PDZK1: variants seen among roughly 807,000 people sequenced by gnomAD.
PDZK1 encodes PDZ domain containing 1, also known as Na(+)/H(+) exchange regulatory cofactor NHE-RF3.
In PDZK1, 23 loss-of-function variants were observed where a neutral mutation model predicts 38.1. The observed-to-expected ratio is 0.60, with a 90% CI of 0.43 to 0.85. The LOEUF is 0.85. PDZK1 is among the 40% of genes least tolerant of loss of function. PDZK1 has a pLI of 0.00. For missense variants in PDZK1, 297 were observed against 504.3 expected (o/e 0.59, Z 3.94); for synonymous variants, 98 against 186.2 (o/e 0.53, Z 3.86).
At chr1:145,695,791 T>C (rs1655596115) in intron 1 of PDZK1, among the ~76,000 whole-genome samples, 1 of 152,150 alleles carries the variant, frequency 6.6e-6, no homozygotes, top group African/African-American at 2.4e-5. Context: ...CTGACCCACA[T>C]AGCAGCCATC....
intron 1 of PDZK1, among the ~76,000 whole-genome samples, chr1:145,693,494 C>T (rs1655403091): frequency 1.3e-5 from 2 of 151,824 alleles, no homozygotes; most frequent in Non-Finnish European, 2.9e-5. Context: ...AGGTGCCGGG[C>T]GCGGTGGCTC....
At chr1:145,679,073 A>T (rs1653988982) in intron 5 of PDZK1, among the ~76,000 whole-genome samples, 1 of 151,766 alleles carries the variant, frequency 6.6e-6, no homozygotes, top group South Asian at 2.1e-4. Flanking sequence ...CCAGGCTGGC[A>T]TTTTAGTAGC....
In PDZK1 at chr1:145,671,340, A is replaced by G; in HGVS notation, c.*96T>C. The G allele has an allele frequency of 6.3e-7, 1 of 1,593,520 alleles. No homozygotes were observed. The highest frequency in any genetic ancestry group is 1.1e-5 in the South Asian group (1 of 89,696). ...AGTGGAGTTTTTCTTCTAAAGAGAC[A>G]GTAAACAGGTCACAACTCATTCCTT... is the stretch of plus-strand genomic sequence containing the variant. On this transcript the variant is annotated 3_prime_UTR_variant, in exon 9 of 9. Coordinates refer to ENST00000417171, the MANE Select transcript of PDZK1 (RefSeq NM_001201325.2).
intron 6 of PDZK1, among the ~76,000 whole-genome samples, chr1:145,676,720 G>T (rs1488284642): frequency 2.2e-5 from 3 of 139,464 alleles, no homozygotes; most frequent in African/African-American, 2.7e-5. Flanking sequence ...GCAAGACAAC[G>T]TCTCAAAAAA....
chr1:145,676,636 G>T (rs1183596487), intron 6 of PDZK1, among the ~76,000 whole-genome samples: 1 of 148,432 alleles, frequency 6.7e-6, no homozygotes, highest in Non-Finnish European at 1.5e-5. Context: ...TGAGGCAGGG[G>T]AATCGCTTGA....
In PDZK1 at chr1:145,679,372, C is replaced by T. The variant is rs146873196; in HGVS notation, c.794-727G>A. On this transcript the variant is annotated intron_variant, in intron 5 of 8. Transcript: ENST00000417171. ...AGTCACCAACACTTGGCAACTGATTCTTCCCCAGCATCCAGTCCCCATATC... is the reference window on the plus strand; with the variant it reads ...AGTCACCAACACTTGGCAACTGATTTTTCCCCAGCATCCAGTCCCCATATC... Among the ~76,000 whole-genome samples the T allele has an allele frequency of 9.3e-3, 1,417 of 151,648 alleles. 7 individuals carry two copies. Among genetic ancestry groups the T allele is most frequent in the Non-Finnish European group, 0.014 (920 of 67,884 alleles).
At chr1:145,689,565 A>G (rs1655070753) in intron 1 of PDZK1, among the ~76,000 whole-genome samples, 2 of 152,154 alleles carry the variant, frequency 1.3e-5, no homozygotes, top group African/African-American at 2.4e-5. Flanking sequence ...TTTTTCTTTT[A>G]TAGGAGAATA....
intron 6 of PDZK1, chr1:145,674,254 A>G: frequency 1.1e-5 from 11 of 985,362 alleles, no homozygotes; most frequent in Non-Finnish European, 1.3e-5. Flanking sequence ...GACATATCTG[A>G]CCGACTAGCC....
intron 1 of PDZK1, among the ~76,000 whole-genome samples, chr1:145,689,898 C>T (rs1406260578): frequency 6.6e-6 from 1 of 152,138 alleles, no homozygotes; most frequent in Non-Finnish European, 1.5e-5. Flanking sequence ...GACAGAGAGC[C>T]CCCAGCTGCC....
At chr1:145,688,790 C>T (rs1185232796) in intron 1 of PDZK1, among the ~76,000 whole-genome samples, 1 of 152,102 alleles carries the variant, frequency 6.6e-6, no homozygotes, top group Non-Finnish European at 1.5e-5. Flanking sequence ...GAAACCCCAG[C>T]TCTACTAAAA....
chr1:145,687,301 C>T (rs1378679392), intron 2 of PDZK1, among the ~76,000 whole-genome samples: 5 of 150,440 alleles, frequency 3.3e-5, no homozygotes, highest in East Asian at 2.0e-4. Context: ...GGGCGGATCA[C>T]GAGGTCAGGA....
chr1:145,696,787 G>C (rs1478738174), intron 1 of PDZK1, among the ~76,000 whole-genome samples: 1 of 152,222 alleles, frequency 6.6e-6, no homozygotes, highest in Non-Finnish European at 1.5e-5. Flanking sequence ...TTGATGACTG[G>C]CAGAAATGTG....
intron 1 of PDZK1, among the ~76,000 whole-genome samples, chr1:145,690,409 A>G (rs1389289178): frequency 6.6e-6 from 1 of 152,234 alleles, no homozygotes; most frequent in Non-Finnish European, 1.5e-5. Context: ...ATCAGACAGT[A>G]ATTACATAAA....
chr1:145,700,015 T>C (rs1202374866), intron 1 of PDZK1, among the ~76,000 whole-genome samples: 2 of 152,184 alleles, frequency 1.3e-5, no homozygotes, highest in Non-Finnish European at 2.9e-5. Context: ...TGTCCTCTGA[T>C]GAAACGCCTG....
At chr1:145,689,633 G>A (rs908605867) in intron 1 of PDZK1, among the ~76,000 whole-genome samples, 1 of 152,166 alleles carries the variant, frequency 6.6e-6, no homozygotes, top group Non-Finnish European at 1.5e-5. Context: ...TCACAACAGA[G>A]CACTGGAGTC....
In PDZK1 at chr1:145,671,419, G is replaced by A; in HGVS notation, c.*17C>T. The A allele has an allele frequency of 4.4e-6, 7 of 1,591,318 alleles. No homozygotes were observed. The highest frequency in any genetic ancestry group is 6.0e-6 in the Non-Finnish European group (7 of 1,165,932). On this transcript the variant is annotated 3_prime_UTR_variant, in exon 9 of 9. Transcript: ENST00000417171. ...AACAGCTATCAAATAAACAGCCAAA[G>A]CTATTACTTGTTTTCATCACATCTC...
intron 1 of PDZK1, among the ~76,000 whole-genome samples, chr1:145,701,751 A>T (rs1655972711): frequency 6.6e-6 from 1 of 152,114 alleles, no homozygotes; most frequent in South Asian, 2.1e-4. Flanking sequence ...TAAGCAAAAA[A>T]ATCCTGCTGT....
intron 1 of PDZK1, among the ~76,000 whole-genome samples, chr1:145,701,149 G>C (rs1482656463): frequency 6.6e-6 from 1 of 151,670 alleles, no homozygotes; most frequent in Non-Finnish European, 1.5e-5. Flanking sequence ...AGGTTGCAGT[G>C]AGCCAAGATA....
intron 1 of PDZK1, among the ~76,000 whole-genome samples, chr1:145,700,225 C>G (rs149641032): frequency 1.2e-4 from 19 of 152,208 alleles, no homozygotes; most frequent in African/African-American, 4.3e-4. Context: ...AGATTTTGTT[C>G]CCCATGAAAG....
Sources: gnomAD v4.1 joint callset for allele counts (sites outside exome capture counted in the v4.1 genomes callset) on GRCh38, gnomAD v4.1.1 for gene constraint, MANE v1.5 for transcripts, NCBI Gene and HGNC (gene_info 2026-07-23, HGNC 2026-07-21) for gene names.